The following MED13L variants were observed in gnomAD, a reference collection of about 807,000 sequenced individuals.
The protein encoded by MED13L is mediator of RNA polymerase II transcription subunit 13-like.
Under a neutral mutation model 220.9 loss-of-function variants are expected in MED13L, and 7 were observed. That is an observed-to-expected ratio of 0.03 (90% CI 0.02 to 0.06). The LOEUF is 0.06. Ranked by LOEUF, MED13L falls within the 10% of genes least tolerant of loss-of-function variation. MED13L has a pLI of 1.00. For missense variants in MED13L, 1,965 were observed against 2,760.5 expected, an observed-to-expected ratio of 0.71 and a Z score of 6.46; for synonymous variants, 1,011 against 1,015.2, an observed-to-expected ratio of 1.00 and a Z score of 0.08.
intron 2 of MED13L, chr12:116,169,246 A>G (rs1879504370): frequency 6.5e-6 from 1 of 152,924 alleles, no homozygotes; most frequent in Non-Finnish European, 1.5e-5. Context: ...ACATCATATT[A>G]GAAGTCTAGG....
At chr12:116,022,624 C>T (rs777167445) in intron 4 of MED13L, 23 bp from the exon 5 acceptor site, 8 of 1,606,138 alleles carry the variant, frequency 5.0e-6, no homozygotes, top group Middle Eastern at 1.7e-4. Flanking sequence ...GAATGAGAAA[C>T]TCAACTTTAT....
chr12:116,143,230 C>G (rs1877224124), intron 2 of MED13L, among the ~76,000 whole-genome samples: 1 of 151,544 alleles, frequency 6.6e-6, no homozygotes, highest in Admixed American at 6.6e-5. Context: ...GTACACCTGC[C>G]AGGCACAGTG....
chr12:116,094,041 G>A (rs565006829), intron 4 of MED13L, among the ~76,000 whole-genome samples: 15 of 152,208 alleles, frequency 9.9e-5, no homozygotes, highest in African/African-American at 3.6e-4. Context: ...GCAAGTGGAA[G>A]AATAAGATGT....
intron 2 of MED13L, among the ~76,000 whole-genome samples, chr12:116,200,424 T>C (rs1379087830): frequency 2.6e-5 from 4 of 152,194 alleles, no homozygotes; most frequent in Non-Finnish European, 5.9e-5. Context: ...CATTTGTAGT[T>C]CAAAATAATT....
At chr12:116,155,978 C>T (rs1250937285) in intron 2 of MED13L, among the ~76,000 whole-genome samples, 1 of 151,240 alleles carries the variant, frequency 6.6e-6, no homozygotes, top group African/African-American at 2.4e-5. Flanking sequence ...TAAATTTATA[C>T]TCTATTTTTC....
chr12:116,008,836 T>A lies in MED13L; in HGVS notation c.1577A>T (p.Asp526Val), dbSNP rs569740837. Residue 526 changes from aspartate to valine, a missense_variant, in exon 10 of 31, where the codon GAT becomes GTT. Asp to Val is a radical substitution (Grantham distance 152). Coordinates refer to ENST00000281928, the MANE Select transcript of MED13L (RefSeq NM_015335.5). ...SLEVSSSRKY[D>V]KQMAVPSRNT... is the part of the protein sequence containing the mutation. ...TCTGGAAGGCACGGCCATTTGCTTATCATATTTCCTACTGCTAGACACCTC... is the reference window on the plus strand; with the variant it reads ...TCTGGAAGGCACGGCCATTTGCTTAACATATTTCCTACTGCTAGACACCTC... 6.2e-7 allele frequency: 1 copy of A among 1,614,032 alleles called. No homozygotes were observed. The highest frequency in any genetic ancestry group is 1.3e-5 in the African/African-American group (1 of 75,044).
chr12:116,040,033 GA>G (rs1228716088), intron 4 of MED13L, among the ~76,000 whole-genome samples: 1 of 152,156 alleles, frequency 6.6e-6, no homozygotes, highest in Admixed American at 6.5e-5. Flanking sequence ...TTTTAAGGGG[GA>G]TGGGAGAAAA....
chr12:116,094,578 T>A (rs895317096), intron 4 of MED13L, among the ~76,000 whole-genome samples: 1 of 152,208 alleles, frequency 6.6e-6, no homozygotes, highest in African/African-American at 2.4e-5. Flanking sequence ...TAATTGCTAC[T>A]CCTTCAATCC....
At chr12:116,100,977 T>A (rs1048324964) in intron 3 of MED13L, among the ~76,000 whole-genome samples, 1 of 152,048 alleles carries the variant, frequency 6.6e-6, no homozygotes, top group Non-Finnish European at 1.5e-5. Flanking sequence ...TCAGAAAAAA[T>A]GTGTGGAAGA....
chr12:116,176,101 A>C (rs1021119482), intron 2 of MED13L, among the ~76,000 whole-genome samples: 1 of 152,128 alleles, frequency 6.6e-6, no homozygotes, highest in Non-Finnish European at 1.5e-5. Context: ...CAGGAATAAA[A>C]CTGGATAAGG....
intron 20 of MED13L, 143 bp downstream of exon 20, chr12:115,984,037 C>G: frequency 3.0e-6 from 3 of 988,228 alleles, no homozygotes; most frequent in South Asian, 1.4e-5. Flanking sequence ...CATTAAACTG[C>G]CCAGAACACC....
chr12:116,220,710 G>A (rs951962134), intron 2 of MED13L, among the ~76,000 whole-genome samples: 1 of 152,010 alleles, frequency 6.6e-6, no homozygotes, highest in East Asian at 1.9e-4. Flanking sequence ...AAATAAAGGG[G>A]CCATAAACAA....
chr12:116,119,836 A>T (rs71442956), intron 2 of MED13L, among the ~76,000 whole-genome samples: 10,470 of 70,164 alleles, frequency 0.15, 860 homozygotes, highest in East Asian at 0.18. Flanking sequence ...AAAAAAAAAA[A>T]AAATATATAT....
At chr12:116,030,655 G>C (rs756098344) in intron 4 of MED13L, among the ~76,000 whole-genome samples, 3 of 152,110 alleles carry the variant, frequency 2.0e-5, no homozygotes, top group Non-Finnish European at 4.4e-5. Flanking sequence ...TTTAAGGAGA[G>C]GGATGAAAGA....
intron 2 of MED13L, among the ~76,000 whole-genome samples, chr12:116,132,737 T>C (rs1235663552): frequency 6.6e-6 from 1 of 152,052 alleles, no homozygotes; most frequent in Non-Finnish European, 1.5e-5. Context: ...CTGGCCAACA[T>C]GGCGAAACCC....
chr12:116,025,686 TA>T (rs1282795254), intron 4 of MED13L, among the ~76,000 whole-genome samples: 1 of 152,068 alleles, frequency 6.6e-6, no homozygotes, highest in Non-Finnish European at 1.5e-5. Context: ...TGATATCATA[TA>T]AGTAGAGAAC....
At chr12:116,236,171 T>C (rs1226289161) in intron 2 of MED13L, among the ~76,000 whole-genome samples, 3 of 152,160 alleles carry the variant, frequency 2.0e-5, no homozygotes, top group African/African-American at 4.8e-5. Flanking sequence ...GGCTTTGAGA[T>C]GAATGTTAAG....
Position 116,111,514 on chromosome 12 carries a change from TG to T in MED13L, c.311-3del. The stretch of plus-strand genomic sequence containing the variant: ...TTTCCCAGAGTCCTTCTTCCACAAC[TG>T]AAAAAAAAAAGAAAAAAGAAAAAAA... On this transcript the variant is annotated splice_region_variant and splice_polypyrimidine_tract_variant and intron_variant, in intron 2 of 30. Coordinates refer to ENST00000281928, the MANE Select transcript of MED13L (RefSeq NM_015335.5). The T allele has an allele frequency of 6.4e-7, 1 of 1,564,256 alleles. No individual in the cohort carries two copies.
chr12:116,232,587 C>A (rs1869668916), intron 2 of MED13L, among the ~76,000 whole-genome samples: 1 of 152,204 alleles, frequency 6.6e-6, no homozygotes, highest in Non-Finnish European at 1.5e-5. Context: ...AAATACGTTT[C>A]ATTAACTGAT....
Sources: gnomAD v4.1 joint callset for allele counts (sites outside exome capture counted in the v4.1 genomes callset) on GRCh38, gnomAD v4.1.1 for gene constraint, MANE v1.5 for transcripts, NCBI Gene and HGNC (gene_info 2026-07-23, HGNC 2026-07-21) for gene names.